Variants in CAND2 observed in about 807,000 individuals in gnomAD.
The protein encoded by CAND2 is cullin-associated NEDD8-dissociated protein 2.
Under a neutral mutation model 98.9 loss-of-function variants are expected in CAND2, and 62 were observed. The ratio of observed to expected loss-of-function variants is 0.63; its 90% CI spans 0.51 to 0.77. CAND2 has a LOEUF of 0.77. CAND2 is among the 30% of genes least tolerant of loss of function. The pLI is 0.00. For missense variants in CAND2, 1,501 were observed against 1,655.2 expected (o/e 0.91, Z 1.62); for synonymous variants, 770 against 731.9 (o/e 1.05, Z -0.84).
intron 11 of CAND2, among the ~76,000 whole-genome samples, chr3:12,820,962 G>C (rs536543053): frequency 6.6e-6 from 1 of 152,188 alleles, no homozygotes; most frequent in South Asian, 2.1e-4. Context: ...GGCCAGGTGC[G>C]GTGGCTCTCG....
In CAND2 at chr3:12,816,917, G is replaced by A. The variant is rs1319245795; in HGVS notation, c.1985G>A (p.Arg662Gln). ...CTGCACATTCTGGCCTCATTCCTGCGGAAGAACCAGCGGGCTTTGCGACTG... is the reference window on the plus strand; with the variant it reads ...CTGCACATTCTGGCCTCATTCCTGCAGAAGAACCAGCGGGCTTTGCGACTG... ...EALHILASFL[R>Q]KNQRALRLAT... is the part of the protein sequence containing the mutation. The change falls in exon 10 of 15, where the codon CGG (arginine) becomes CAG (glutamine). Residue 662 changes from arginine (R) to glutamine (Q), a missense_variant. Arg to Gln is a conservative substitution (Grantham distance 43). Around this residue, in one of 3 missense-constraint regions of CAND2, gnomAD observed 1,427 missense variants for 1,545.3 expected, o/e 0.92. Coordinates refer to ENST00000456430, the MANE Select transcript of CAND2 (RefSeq NM_001162499.2). 1.1e-5 allele frequency: 18 copies of A among 1,613,636 alleles called. No individual in the cohort carries two copies. Among genetic ancestry groups the A allele is most frequent in the South Asian group, 2.2e-5 (2 of 91,086 alleles).
chr3:12,810,300 G>A lies in CAND2; in HGVS notation c.733G>A (p.Gly245Ser). 6.8e-7 allele frequency: 1 copy of A among 1,460,048 alleles called. No individual in the cohort carries two copies. The highest frequency in any genetic ancestry group is 9.0e-7 in the Non-Finnish European group (1 of 1,106,754). The allele number at this position is 1,460,048 out of a possible 1,614,324, so 90.4% of individuals were successfully genotyped here. The change falls in exon 5 of 15, where the codon GGC becomes AGC. Residue 245 changes from glycine (G) to serine (S), a missense_variant. Transcript: ENST00000456430. ...RTLIQCLGSV[G>S]RQAGHRLGAH... ...CCTGATCCAATGTTTGGGCAGCGTCGGCCGCCAGGCCGGCCACCGCCTCGG... is the reference window on the plus strand; with the variant it reads ...CCTGATCCAATGTTTGGGCAGCGTCAGCCGCCAGGCCGGCCACCGCCTCGG...
chr3:12,803,815 T>G (rs1474606853), intron 2 of CAND2, among the ~76,000 whole-genome samples, 184 bp downstream of exon 2: 2 of 152,020 alleles, frequency 1.3e-5, no homozygotes, highest in Non-Finnish European at 2.9e-5. Flanking sequence ...CTAAGTTTAT[T>G]TGGGAGGCGC....
chr3:12,815,541 A>C lies in CAND2; in HGVS notation c.1299+108A>C, dbSNP rs2061891656. 4 of 1,074,244 alleles carry C rather than the reference A, an allele frequency of 3.7e-6. No homozygotes were observed. The South Asian group carries it at 4.8e-5, about 13-fold the overall frequency. The allele number at this position is 1,074,244 out of a possible 1,614,324, so 66.5% of individuals were successfully genotyped here. ...AGCTGGGAGAACATCCAGCCATGGA[A>C]GGGAAGGGAAGGGGTCCCTGGGGTG... On this transcript the variant is annotated intron_variant, in intron 8 of 14. Transcript: ENST00000456430. This position sits in a 1 kb window ranked among gnomAD's most constrained non-coding sequence, Gnocchi z 5.7.
chr3:12,813,653 A>T (rs1331481104), intron 7 of CAND2, among the ~76,000 whole-genome samples: 1 of 152,252 alleles, frequency 6.6e-6, no homozygotes, highest in Non-Finnish European at 1.5e-5. Context: ...AGACAAGGAC[A>T]CATACTGAGA....
At chr3:12,807,207 C>T in intron 2 of CAND2, 99 bp from the exon 3 acceptor site, 3 of 1,150,976 alleles carry the variant, frequency 2.6e-6, no homozygotes, top group Non-Finnish European at 3.7e-6. Context: ...GCCTTTTCCT[C>T]AGCACGTGTG....
Position 12,817,519 on chromosome 3 carries a change from A to G in CAND2, c.2587A>G (p.Lys863Glu). The stretch of plus-strand genomic sequence containing the variant: ...TGGGCCAGGCCACCAGCGGGAGCTG[A>G]AGGCGGTGCTCCTGGAAGCTTTGGG... ...VAGPGHQREL[K>E]AVLLEALGSP... Residue 863 changes from lysine to glutamate, a missense_variant, in exon 10 of 15, where the codon AAG becomes GAG. Physicochemically the swap from Lys to Glu is moderately conservative, Grantham distance 56 (BLOSUM62 1). Around this residue, in one of 3 missense-constraint regions of CAND2, gnomAD observed 1,427 missense variants for 1,545.3 expected, o/e 0.92. Transcript: ENST00000456430. 1 of 1,613,748 alleles carries G rather than the reference A, an allele frequency of 6.2e-7. No homozygotes were observed.
At chr3:12,808,549 T>G (rs2061825131) in intron 4 of CAND2, among the ~76,000 whole-genome samples, 1 of 152,212 alleles carries the variant, frequency 6.6e-6, no homozygotes, top group African/African-American at 2.4e-5. Flanking sequence ...GAACACCTGC[T>G]CTGGCCAGAA....
chr3:12,827,498 C>T lies in CAND2; in HGVS notation c.3269C>T (p.Ala1090Val), dbSNP rs2062013992. 4 of 1,613,908 alleles carry T rather than the reference C, an allele frequency of 2.5e-6. No individual in the cohort carries two copies. The highest frequency in any genetic ancestry group is 3.4e-6 in the Non-Finnish European group (4 of 1,179,976). Residue 1090 changes from alanine to valine, a missense_variant, in exon 13 of 15, where the codon GCC (alanine) becomes GTC (valine). By Grantham distance (64) the Ala-to-Val change is moderately conservative. This residue lies in a region of CAND2 where 1,427 missense variants were observed against 1,545.3 expected (regional missense o/e 0.92). Coordinates refer to ENST00000456430, the MANE Select transcript of CAND2 (RefSeq NM_001162499.2). ...VDDGLDVRKA[A>V]FECMYSLLES... is the part of the protein sequence containing the mutation. ...GATGGGCTGGACGTGCGGAAGGCGGCCTTTGAATGCATGTATTCACTGCTT... is the reference window on the plus strand; with the variant it reads ...GATGGGCTGGACGTGCGGAAGGCGGTCTTTGAATGCATGTATTCACTGCTT...
At chr3:12,826,757 C>T (rs2062003990) in intron 12 of CAND2, among the ~76,000 whole-genome samples, 1 of 151,598 alleles carries the variant, frequency 6.6e-6, no homozygotes, top group Admixed American at 6.6e-5. Context: ...TATCCTTAAC[C>T]TGTCCAGCTC....
At chr3:12,808,997 TTCTC>T (rs745330360) in intron 4 of CAND2, among the ~76,000 whole-genome samples, 1 of 152,112 alleles carries the variant, frequency 6.6e-6, no homozygotes. Context: ...ACCCTGATCT[TTCTC>T]TCTGCAGTGG....
chr3:12,807,210 C>A, intron 2 of CAND2, 96 bp from the exon 3 acceptor site: 2 of 1,169,776 alleles, frequency 1.7e-6, no homozygotes, highest in Non-Finnish European at 1.2e-6. Flanking sequence ...TTTTCCTCAG[C>A]ACGTGTGGCC....
intron 13 of CAND2, among the ~76,000 whole-genome samples, chr3:12,830,867 G>A (rs2062048031): frequency 1.3e-5 from 2 of 152,182 alleles, no homozygotes; most frequent in African/African-American, 4.8e-5. Flanking sequence ...GGGTCAGGGT[G>A]TGGAGATGGG....
chr3:12,826,203 A>G (rs564739962), intron 12 of CAND2, among the ~76,000 whole-genome samples: 3 of 152,304 alleles, frequency 2.0e-5, no homozygotes, highest in South Asian at 2.1e-4. Context: ...CAATGGACCT[A>G]TTGTGATGTA....
intron 10 of CAND2, among the ~76,000 whole-genome samples, chr3:12,818,997 C>T (rs1042217024): frequency 6.6e-6 from 1 of 152,174 alleles, no homozygotes; most frequent in African/African-American, 2.4e-5. Context: ...TTTTTAGCAC[C>T]AACTGCTGGG....
chr3:12,819,809 T>C (rs1465872064), intron 10 of CAND2, among the ~76,000 whole-genome samples: 2 of 152,198 alleles, frequency 1.3e-5, no homozygotes, highest in Non-Finnish European at 2.9e-5. Flanking sequence ...GGAAGGTCTT[T>C]GTTGGAGCAG....
At chr3:12,809,212 G>C (rs1355099959) in intron 4 of CAND2, among the ~76,000 whole-genome samples, 2 of 152,012 alleles carry the variant, frequency 1.3e-5, no homozygotes, top group Admixed American at 6.5e-5. Context: ...GGTGCACTCC[G>C]GGAGCCAGCA....
intron 12 of CAND2, 37 bp downstream of exon 12, chr3:12,825,676 G>T: frequency 1.3e-6 from 2 of 1,563,924 alleles, no homozygotes; most frequent in Non-Finnish European, 1.7e-6. Context: ...GGAAGCTGGG[G>T]GTGATGCCAC....
chr3:12,804,409 G>C (rs2061790340), intron 2 of CAND2, among the ~76,000 whole-genome samples: 1 of 152,170 alleles, frequency 6.6e-6, no homozygotes, highest in South Asian at 2.1e-4. Flanking sequence ...ATTGCAGTGA[G>C]CCAAGATTGC....
Sources: allele counts gnomAD v4.1 joint callset (sites outside exome capture counted in the v4.1 genomes callset), GRCh38; gene constraint gnomAD v4.1.1; regional missense constraint gnomAD v4.1.1; non-coding constraint Gnocchi (gnomAD v3.1); transcripts MANE v1.5; gene names NCBI Gene and HGNC (gene_info 2026-07-23, HGNC 2026-07-21).